The following TENM1 variants were observed in gnomAD, a reference collection of about 807,000 sequenced individuals.
TENM1 encodes the protein teneurin transmembrane protein 1, also known as teneurin-1.
A neutral mutation model predicts 174.8 loss-of-function variants in TENM1; 35 were observed. The ratio of observed to expected loss-of-function variants is 0.20; its 90% confidence interval spans 0.15 to 0.27. The LOEUF (loss-of-function observed/expected upper bound fraction) is 0.27, where lower values mean the gene tolerates loss of function less well. TENM1 is among the 10% of genes least tolerant of loss of function. TENM1 has a pLI of 1.00. For missense variants in TENM1, 1,633 were observed against 2,130.1 expected (o/e 0.77, Z 4.59); for synonymous variants, 781 against 798.7 (o/e 0.98, Z 0.37).
the TENM1 span, among the ~76,000 whole-genome samples, chrX:125,084,623 C>A: frequency 2.3e-4 from 25 of 110,617 alleles, no homozygotes; most frequent in Non-Finnish European, 4.6e-4. Flanking sequence ...TAATCCATAA[C>A]AACTAAGGAG....
chrX:125,190,426 C>G, the TENM1 span, among the ~76,000 whole-genome samples: 3 of 112,289 alleles, frequency 2.7e-5, no homozygotes, highest in African/African-American at 6.5e-5. Context: ...ATTGCTAGTG[C>G]TTTCCACAGC....
At chrX:124,971,476 G>A in the TENM1 span, among the ~76,000 whole-genome samples, 1 of 111,278 alleles carries the variant, frequency 9.0e-6, no homozygotes, top group East Asian at 2.8e-4. Flanking sequence ...ATTTTTAGTG[G>A]CTGGGTAGAG....
chrX:124,651,603 A>T, intron 8 of TENM1, among the ~76,000 whole-genome samples: 1 of 111,727 alleles, frequency 9.0e-6, no homozygotes, highest in African/African-American at 3.2e-5. Flanking sequence ...TTTCACTGAA[A>T]TTGTTCATCT....
chrX:124,676,257 AATATATATATATATATATATATAT>A (rs56962688), intron 5 of TENM1, among the ~76,000 whole-genome samples: 274 of 22,951 alleles, frequency 0.012, 8 homozygotes, highest in South Asian at 0.026. Context: ...ACATATATAA[AATATATATATATATATATATATAT>A]ATATATATAT....
At chrX:124,458,700 T>C (rs2061135868) in intron 22 of TENM1, among the ~76,000 whole-genome samples, 1 of 111,870 alleles carries the variant, frequency 8.9e-6, no homozygotes, top group Non-Finnish European at 1.9e-5. Context: ...TAAAGAACAA[T>C]AAATTTGTGG....
At chrX:124,425,786 T>C (rs916546682) in intron 23 of TENM1, among the ~76,000 whole-genome samples, 2 of 111,148 alleles carry the variant, frequency 1.8e-5, no homozygotes, top group African/African-American at 6.6e-5. Flanking sequence ...GGGTGTGAGA[T>C]AGTCATATTT....
At chrX:124,780,591 A>G (rs1019037638) in intron 3 of TENM1, among the ~76,000 whole-genome samples, 3 of 111,736 alleles carry the variant, frequency 2.7e-5, no homozygotes, top group Non-Finnish European at 5.7e-5. Flanking sequence ...GGTCACCAGC[A>G]GGGACAAGCA....
At chrX:124,945,412 C>G (rs2058387948) in intron 1 of TENM1, among the ~76,000 whole-genome samples, 1 of 110,591 alleles carries the variant, frequency 9.0e-6, no homozygotes, top group Non-Finnish European at 1.9e-5. Context: ...GAGTATCACT[C>G]TGACTATTGT....
intron 1 of TENM1, among the ~76,000 whole-genome samples, chrX:124,905,821 A>T (rs1451895031): frequency 8.9e-6 from 1 of 111,863 alleles, no homozygotes; most frequent in Non-Finnish European, 1.9e-5. Context: ...TCTGGACAGC[A>T]CATGCGTGCA....
At chrX:124,778,172 T>C (rs973007864) in intron 3 of TENM1, among the ~76,000 whole-genome samples, 2 of 112,845 alleles carry the variant, frequency 1.8e-5, no homozygotes, top group African/African-American at 6.4e-5. Flanking sequence ...CCTAGGCAGA[T>C]AAAACGGGGT....
At chrX:124,651,358 G>C (rs1187633070) in intron 8 of TENM1, among the ~76,000 whole-genome samples, 4 of 111,714 alleles carry the variant, frequency 3.6e-5, no homozygotes, top group Non-Finnish European at 7.5e-5. Context: ...CACTGAAAGA[G>C]ACATTGTGAT....
intron 31 of TENM1, among the ~76,000 whole-genome samples, 187 bp from the exon 35 acceptor site, chrX:124,381,481 A>G (rs2060156424): frequency 9.0e-6 from 1 of 111,679 alleles, no homozygotes; most frequent in African/African-American, 3.3e-5. Context: ...ACAGGTGACT[A>G]CCTAGCATTC....
chrX:125,155,674 G>C, the TENM1 span, among the ~76,000 whole-genome samples: 1 of 56 alleles, frequency 0.018, no homozygotes, highest in Non-Finnish European at 0.032. Context: ...CCGGTGGGCC[G>C]GCACTGTGGG....
intron 3 of TENM1, among the ~76,000 whole-genome samples, chrX:124,796,075 T>C (rs886286817): frequency 9.0e-6 from 1 of 111,624 alleles, no homozygotes; most frequent in African/African-American, 3.2e-5. Context: ...TTATTAGCTT[T>C]CATTTTGATC....
chrX:124,410,441 C>G (rs2060519719), intron 25 of TENM1, among the ~76,000 whole-genome samples: 2 of 111,842 alleles, frequency 1.8e-5, no homozygotes, highest in South Asian at 7.6e-4. Flanking sequence ...TAGGCATTAC[C>G]ATTCAGGACA....
intron 19 of TENM1, among the ~76,000 whole-genome samples, chrX:124,501,092 G>A (rs768400256): frequency 9.0e-6 from 1 of 111,205 alleles, no homozygotes; most frequent in South Asian, 3.8e-4. Context: ...TTAAACACTC[G>A]ACTGCCAGGA....
At chrX:124,597,497 A>G (rs1470793709) in intron 11 of TENM1, among the ~76,000 whole-genome samples, 1 of 111,106 alleles carries the variant, frequency 9.0e-6, no homozygotes, top group Non-Finnish European at 1.9e-5. Flanking sequence ...CAAGAATGAT[A>G]TAACGGAGTA....
At chrX:124,504,725 A>T (rs191243306) in intron 18 of TENM1, among the ~76,000 whole-genome samples, 33 of 111,472 alleles carry the variant, frequency 3.0e-4, no homozygotes, top group African/African-American at 1.1e-3. Flanking sequence ...GCCCCTGAAG[A>T]GCTCAGTCCT....
chrX:125,137,422 C>CT, the TENM1 span, among the ~76,000 whole-genome samples: 200 of 98,904 alleles, frequency 2.0e-3, 2 homozygotes, highest in East Asian at 0.033. Flanking sequence ...CAGCACAATA[C>CT]TTTTTTTTTT....
Sources: allele counts gnomAD v4.1 joint callset (sites outside exome capture counted in the v4.1 genomes callset), GRCh38; gene constraint gnomAD v4.1.1; transcripts MANE v1.5; gene names NCBI Gene and HGNC (gene_info 2026-07-23, HGNC 2026-07-21).